The following UBE2E3 variants were observed in gnomAD, a reference collection of about 807,000 sequenced individuals.
UBE2E3 encodes the protein ubiquitin conjugating enzyme E2 E3.
A neutral mutation model predicts 23.6 loss-of-function variants in UBE2E3; 5 were observed. The ratio of observed to expected loss-of-function variants is 0.21; its 90% CI spans 0.11 to 0.44. UBE2E3 has a LOEUF of 0.44. UBE2E3 is among the 20% of genes least tolerant of loss of function. The pLI is 0.99. For synonymous variants in UBE2E3, 78 were observed against 87.5 expected (o/e 0.89, Z 0.60); for missense variants, 81 against 249.8 (o/e 0.32, Z 4.55).
chr2:180,991,079 A>C (rs1248192943), intron 3 of UBE2E3, among the ~76,000 whole-genome samples: 2 of 152,206 alleles, frequency 1.3e-5, no homozygotes. Context: ...AGCTACAAAT[A>C]GTTTCAAGTC....
chr2:181,057,798 A>C lies in UBE2E3; in HGVS notation c.351A>C (p.Ser117=), dbSNP rs1334764513. 6.2e-7 allele frequency: 1 copy of C among 1,611,422 alleles called. No individual in the cohort carries two copies. The highest frequency in any genetic ancestry group is 2.2e-5 in the East Asian group (1 of 44,694). Residue 117 remains serine, a synonymous_variant, in exon 4 of 6, where the codon TCA becomes TCC. Transcript: ENST00000410062. ...GGVFFLDITF[S]SDYPFKPPKV... is the part of the protein sequence containing the mutation. Reference sequence around the variant, plus strand: ...TGTTTTTTCTGGATATCACATTTTCATCAGATTATCCATTTAAGCCACCAA... The same window carrying C: ...TGTTTTTTCTGGATATCACATTTTCCTCAGATTATCCATTTAAGCCACCAA...
chr2:181,036,308 A>G (rs897951680), intron 3 of UBE2E3, among the ~76,000 whole-genome samples: 3 of 152,238 alleles, frequency 2.0e-5, no homozygotes, highest in Non-Finnish European at 4.4e-5. Context: ...AAGGTAATTC[A>G]GTAGGGAAAG....
intron 3 of UBE2E3, among the ~76,000 whole-genome samples, chr2:181,016,454 A>G (rs2105616560): frequency 6.6e-6 from 1 of 152,206 alleles, no homozygotes; most frequent in East Asian, 1.9e-4. Flanking sequence ...ATTTATTGTC[A>G]CCAACTATGT....
chr2:180,987,511 G>A (rs2105569296), intron 3 of UBE2E3: 1 of 1,192,356 alleles, frequency 8.4e-7, no homozygotes, highest in South Asian at 1.6e-5. Context: ...GATATTTGGG[G>A]GTATTTGTAT....
At chr2:180,998,262 T>G (rs558038683) in intron 3 of UBE2E3, among the ~76,000 whole-genome samples, 84 of 152,288 alleles carry the variant, frequency 5.5e-4, no homozygotes, top group African/African-American at 1.9e-3. Flanking sequence ...ATTGGTGGTG[T>G]TCTGGTTGGA....
chr2:180,993,642 C>G (rs1421231110), intron 3 of UBE2E3, among the ~76,000 whole-genome samples: 1 of 152,108 alleles, frequency 6.6e-6, no homozygotes, highest in Admixed American at 6.6e-5. Context: ...TATTCCCTTT[C>G]TGAGGATGGT....
chr2:180,996,255 T>C (rs1229133012), intron 3 of UBE2E3, among the ~76,000 whole-genome samples: 3 of 152,192 alleles, frequency 2.0e-5, no homozygotes, highest in Non-Finnish European at 2.9e-5. Context: ...TGAATACTTA[T>C]TGAAGCTGTT....
At chr2:181,057,268 T>G (rs1387312221) in intron 3 of UBE2E3, among the ~76,000 whole-genome samples, 1 of 151,824 alleles carries the variant, frequency 6.6e-6, no homozygotes, top group Non-Finnish European at 1.5e-5. Flanking sequence ...TGTAACTGTA[T>G]TGTAATTTAT....
At chr2:181,012,986 A>G (rs1319808011) in intron 3 of UBE2E3, among the ~76,000 whole-genome samples, 2 of 152,120 alleles carry the variant, frequency 1.3e-5, no homozygotes, top group African/African-American at 4.8e-5. Flanking sequence ...TCAGGAAGAC[A>G]TGCACATTAA....
chr2:181,040,716 A>G (rs764023860), intron 3 of UBE2E3, among the ~76,000 whole-genome samples: 7 of 152,360 alleles, frequency 4.6e-5, no homozygotes, highest in Non-Finnish European at 8.8e-5. Flanking sequence ...TCTGATGACA[A>G]AGGAAATCAC....
intron 3 of UBE2E3, among the ~76,000 whole-genome samples, chr2:181,053,248 A>T (rs1036620244): frequency 6.6e-6 from 1 of 151,754 alleles, no homozygotes; most frequent in African/African-American, 2.4e-5. Flanking sequence ...AAAATGTCTA[A>T]CCATATATCA....
chr2:180,989,782 T>C, intron 3 of UBE2E3: 1 of 1,273,632 alleles, frequency 7.9e-7, no homozygotes, highest in South Asian at 2.4e-5. Context: ...CGCAGCTACA[T>C]GCTCACATAA....
At chr2:181,048,344 G>T (rs1485443480) in intron 3 of UBE2E3, among the ~76,000 whole-genome samples, 1 of 152,134 alleles carries the variant, frequency 6.6e-6, no homozygotes, top group African/African-American at 2.4e-5. Context: ...ACTCCTTAAT[G>T]AATGAATGAA....
chr2:181,030,549 A>G (rs966707083), intron 3 of UBE2E3, among the ~76,000 whole-genome samples: 3 of 152,006 alleles, frequency 2.0e-5, no homozygotes, highest in Non-Finnish European at 2.9e-5. Context: ...CTTACACCTA[A>G]TTAGCCTGTT....
At chr2:181,010,239 G>C (rs1428518197) in intron 3 of UBE2E3, among the ~76,000 whole-genome samples, 1 of 152,104 alleles carries the variant, frequency 6.6e-6, no homozygotes, top group Non-Finnish European at 1.5e-5. Context: ...TTTTCATTCA[G>C]ATAAATCAGT....
At chr2:180,985,496 T>C (rs1485056875) in intron 3 of UBE2E3, among the ~76,000 whole-genome samples, 1 of 152,210 alleles carries the variant, frequency 6.6e-6, no homozygotes. Flanking sequence ...AAAATTAATT[T>C]CACTTTTTTA....
At chr2:180,995,768 C>T (rs1287918825) in intron 3 of UBE2E3, among the ~76,000 whole-genome samples, 1 of 149,114 alleles carries the variant, frequency 6.7e-6, no homozygotes, top group African/African-American at 2.5e-5. Flanking sequence ...ACAGCTACCA[C>T]TTTTTGTTTG....
rs1687200620 is a variant in UBE2E3 at position 181,062,903 on chromosome 2, A to G, written c.*15A>G. Reference sequence around the variant, plus strand: ...ACGCAACATAATTCACATAATTTGTATGCAGTGTGAAGGAGCAGAAGGCAT... The same window carrying G: ...ACGCAACATAATTCACATAATTTGTGTGCAGTGTGAAGGAGCAGAAGGCAT... On this transcript the variant is annotated 3_prime_UTR_variant, in exon 6 of 6. Transcript: ENST00000410062. The G allele has an allele frequency of 1.3e-6, 2 of 1,554,314 alleles. No homozygotes were observed. Among genetic ancestry groups the G allele is most frequent in the East Asian group, 2.3e-5 (1 of 43,930 alleles).
chr2:181,038,984 A>G (rs900686176), intron 3 of UBE2E3, among the ~76,000 whole-genome samples: 4 of 152,180 alleles, frequency 2.6e-5, no homozygotes, highest in African/African-American at 4.8e-5. Flanking sequence ...GCAAAATGGT[A>G]TGGCCACTTG....
Sources: gnomAD v4.1 joint callset for allele counts (sites outside exome capture counted in the v4.1 genomes callset) on GRCh38, gnomAD v4.1.1 for gene constraint, MANE v1.5 for transcripts, NCBI Gene and HGNC (gene_info 2026-07-23, HGNC 2026-07-21) for gene names.